Variants in SZT2 observed in about 807,000 individuals in gnomAD.
SZT2 encodes SZT2 subunit of KICSTOR complex.
In SZT2, 216 loss-of-function variants were observed where a neutral mutation model predicts 404.2. The observed-to-expected ratio is 0.53, with a 90% CI of 0.48 to 0.60. The LOEUF (loss-of-function observed/expected upper bound fraction) is 0.60. SZT2 is among the 20% of genes least tolerant of loss of function. The probability of loss-of-function intolerance (pLI) is 0.00; values close to 1 mark genes in which losing one functional copy is unlikely to be tolerated. For synonymous variants in SZT2, 1,693 were observed against 1,749.9 expected (o/e 0.97, Z 0.81); for missense variants, 3,857 against 4,459.2 (o/e 0.86, Z 3.85).
chr1:43,433,155 C>A lies in SZT2; in HGVS notation c.5769C>A (p.Val1923=). The change falls in exon 40 of 72, where the codon GTC becomes GTA. Residue 1923 remains valine, a synonymous_variant. Transcript: ENST00000634258. Reference sequence around the variant, plus strand: ...CTGACTTCTGGCTCATTGTCCGGGTCCTGCAGGACCGTGTGGAAGTGTATG... The same window carrying A: ...CTGACTTCTGGCTCATTGTCCGGGTACTGCAGGACCGTGTGGAAGTGTATG... ...CLPDFWLIVR[V]LQDRVEVYAH... 3 of 1,614,072 alleles carry A rather than the reference C, an allele frequency of 1.9e-6. No individual in the cohort carries two copies. The highest frequency in any genetic ancestry group is 2.2e-5 in the South Asian group (2 of 91,078).
In SZT2 at chr1:43,419,722, C is replaced by T; in HGVS notation, c.880-12C>T. The T allele has an allele frequency of 6.3e-7, 1 of 1,595,100 alleles. No homozygotes were observed. The highest frequency in any genetic ancestry group is 8.5e-7 in the Non-Finnish European group (1 of 1,177,928). ...TGTCAGAGCTAGGTCTTCAGTTGCT[C>T]ACTTTTTCCAGGTGGGAGGAGTTTA... On this transcript the variant is annotated splice_polypyrimidine_tract_variant and intron_variant, in intron 7 of 71. Coordinates refer to ENST00000634258, the MANE Select transcript of SZT2 (RefSeq NM_001365999.1).
rs1218706689 is a variant in SZT2, at chr1:43,453,392, C to T, written c.*2912C>T. 3.2e-6 allele frequency: 5 copies of T among 1,550,900 alleles called. No homozygotes were observed. The South Asian group carries it at 5.9e-5, about 18-fold the overall frequency. On this transcript the variant is annotated 3_prime_UTR_variant, in exon 72 of 72. Transcript: ENST00000634258. ...GTGGGGTGGAGCGGGGTACCTGGGA[C>T]AGCCCAGGGCTTTGGCATACCGCAC...
At chr1:43,428,848 T>G in intron 28 of SZT2, 1 of 246,376 alleles carries the variant, frequency 4.1e-6, no homozygotes, top group South Asian at 6.6e-5. Flanking sequence ...AAACTGTATT[T>G]TGCTCACTGC....
chr1:43,403,401 A>G, intron 2 of SZT2, 99 bp downstream of exon 2: 1 of 1,507,598 alleles, frequency 6.6e-7, no homozygotes, highest in East Asian at 2.3e-5. Context: ...CTAACTCTTA[A>G]GTCTGGTTAG....
Position 43,438,777 on chromosome 1 carries a change from T to C in SZT2, c.6587T>C (p.Met2196Thr), listed in dbSNP as rs758720895. Residue 2196 changes from methionine to threonine, a missense_variant, in exon 47 of 72, where the codon ATG becomes ACG. Transcript: ENST00000634258. ...DEATLDVITV[M>T]LVRNCKLTPA... is the part of the protein sequence containing the mutation. ...GCCACGCTGGACGTCATCACAGTTA[T>C]GCTTGTTCGGAACTGCAAGCTGACA... 2.5e-6 allele frequency: 4 copies of C among 1,613,986 alleles called. No individual in the cohort carries two copies. Among genetic ancestry groups the C allele is most frequent in the Non-Finnish European group, 2.5e-6 (3 of 1,179,996 alleles).
rs1347301548 is a variant in SZT2 at position 43,453,054 on chromosome 1, A to G, written c.*2574A>G. On this transcript the variant is annotated 3_prime_UTR_variant, in exon 72 of 72. Coordinates refer to ENST00000634258, the MANE Select transcript of SZT2 (RefSeq NM_001365999.1). ...ACCTGTAAGCAGCTTTCTCTGATCC[A>G]GACAGGGTTAGGTGCCTACCCTGCT... is the stretch of plus-strand genomic sequence containing the variant. 1 of 1,169,396 alleles carries G rather than the reference A, an allele frequency of 8.6e-7. No individual in the cohort carries two copies. The highest frequency in any genetic ancestry group is 1.3e-6 in the Non-Finnish European group (1 of 793,916). 72.4% of individuals were successfully genotyped at this position (1,169,396 alleles called of 1,614,324 possible).
At position 43,435,241 on chromosome 1, in the gene SZT2, C is replaced by T; in HGVS notation, c.5946C>T (p.Asn1982=). ...ACCTTCATGACAGCCACGTGTGTAA[C>T]TCTCTTCTGGTGGCCGAGAGTGAAG... The part of the protein sequence containing the change: ...LQDLHDSHVC[N]SLLVAESEED... Residue 1982 remains asparagine (N), a synonymous_variant, in exon 42 of 72, where the codon AAC becomes AAT. Transcript: ENST00000634258. The T allele has an allele frequency of 6.2e-7, 1 of 1,614,244 alleles. No homozygotes were observed. Among genetic ancestry groups the T allele is most frequent in the Non-Finnish European group, 8.5e-7 (1 of 1,180,046 alleles).
In SZT2 at chr1:43,453,976, G is replaced by A. The variant is rs1230287656; in HGVS notation, c.*3496G>A. On this transcript the variant is annotated 3_prime_UTR_variant, in exon 72 of 72. Coordinates refer to ENST00000634258, the MANE Select transcript of SZT2 (RefSeq NM_001365999.1). ...TTCACGAAAAGCGCCTACGGTTAGC[G>A]AGAGAGGGATCACGGGGAGAGGCGA... 1.7e-6 allele frequency: 2 copies of A among 1,190,540 alleles called. No individual in the cohort carries two copies. Among genetic ancestry groups the A allele is most frequent in the African/African-American group, 1.6e-5 (1 of 62,568 alleles). 73.7% of individuals were successfully genotyped at this position (1,190,540 alleles called of 1,614,324 possible). A position where few individuals can be genotyped will look rare whatever the true frequency, so the allele number is the denominator to read the frequency against.
rs766996399 is a variant in SZT2, at chr1:43,437,346, C to T, written c.6187+23C>T. ...GGGGTATGTGATTGGCATGAGAGGG[C>T]AGGTGAGCATTGGAAGGATCTGGAA... On this transcript the variant is annotated intron_variant, in intron 43 of 71. Coordinates refer to ENST00000634258, the MANE Select transcript of SZT2 (RefSeq NM_001365999.1). This position sits in a 1 kb window ranked among gnomAD's most constrained non-coding sequence, Gnocchi z 5.3. The T allele has an allele frequency of 6.2e-7, 1 of 1,614,098 alleles. No individual in the cohort carries two copies. Among genetic ancestry groups the T allele is most frequent in the Non-Finnish European group, 8.5e-7 (1 of 1,179,998 alleles).
At chr1:43,440,770 G>A (rs1379106334) in intron 52 of SZT2, among the ~76,000 whole-genome samples, 184 bp downstream of exon 52, 1 of 152,216 alleles carries the variant, frequency 6.6e-6, no homozygotes, top group African/African-American at 2.4e-5. Flanking sequence ...AGGATGAAAT[G>A]GGAGGATTTT....
rs1000176633 is a variant in SZT2 at position 43,427,442 on chromosome 1, A to G, written c.3595A>G (p.Ser1199Gly). Residue 1199 changes from serine (S) to glycine (G), a missense_variant, in exon 25 of 72, where the codon AGT becomes GGT. Physicochemically the swap from Ser to Gly is moderately conservative, Grantham distance 56. Coordinates refer to ENST00000634258, the MANE Select transcript of SZT2 (RefSeq NM_001365999.1). ...HVPVLSVTLA[S>G]DNAQNQGELS... ...CCCTGTCCTCAGTGTGACCCTGGCT[A>G]GTGGTAAGGCTGCCGACTCAAGGTG... 6.2e-7 allele frequency: 1 copy of G among 1,612,138 alleles called. No individual in the cohort carries two copies. The highest frequency in any genetic ancestry group is 8.5e-7 in the Non-Finnish European group (1 of 1,178,476).
In SZT2 at chr1:43,443,464, C is replaced by A; in HGVS notation, c.8612C>A (p.Pro2871His). Reference sequence around the variant, plus strand: ...CATGGGCCCCCAGAGACCTCTGGACCCCCTGACGGGCAGGTAAGGCTGACT... The same window carrying A: ...CATGGGCCCCCAGAGACCTCTGGACACCCTGACGGGCAGGTAAGGCTGACT... ...WLHGPPETSG[P>H]PDGQRRHRPE... Residue 2871 changes from proline to histidine, a missense_variant, in exon 61 of 72, where the codon CCC (proline) becomes CAC (histidine). Physicochemically the swap from Pro to His is moderately conservative, Grantham distance 77 (BLOSUM62 -2). Around this residue, in one of 7 missense-constraint regions of SZT2, gnomAD observed 717 missense variants for 868.2 expected, o/e 0.83. Transcript: ENST00000634258. The A allele has an allele frequency of 6.2e-7, 1 of 1,614,172 alleles. No homozygotes were observed.
intron 4 of SZT2, among the ~76,000 whole-genome samples, chr1:43,407,703 G>A (rs839770): frequency 0.35 from 53,287 of 151,448 alleles, 9,809 homozygotes; most frequent in Middle Eastern, 0.46. Flanking sequence ...CATGTCCACA[G>A]AGATTTGAAA....
chr1:43,397,790 A>G (rs1570544088), intron 1 of SZT2, among the ~76,000 whole-genome samples: 1 of 152,128 alleles, frequency 6.6e-6, no homozygotes. Flanking sequence ...CGGCCTCCCA[A>G]AGTGCTGGGA....
Position 43,453,234 on chromosome 1 carries a change from CA to C in SZT2, c.*2758del, listed in dbSNP as rs1656633303. Reference sequence around the variant, plus strand: ...AGAGTGGCATAAGACAGATAAAATACAAAAGGCAATTTACAAAGGACCAGGA... The same window carrying C: ...AGAGTGGCATAAGACAGATAAAATACAAAGGCAATTTACAAAGGACCAGGA... On this transcript the variant is annotated 3_prime_UTR_variant, in exon 72 of 72. Coordinates refer to ENST00000634258, the MANE Select transcript of SZT2 (RefSeq NM_001365999.1). 4.6e-6 allele frequency: 3 copies of C among 645,272 alleles called. No homozygotes were observed. In the South Asian group the frequency reaches 5.7e-5, roughly 12 times the overall value. The allele number at this position is 645,272 out of a possible 1,614,324, so 40.0% of individuals were successfully genotyped here.
rs745917157 is a variant in SZT2 at position 43,447,067 on chromosome 1, A to G, written c.9185A>G (p.His3062Arg). 3.1e-6 allele frequency: 5 copies of G among 1,613,970 alleles called. No homozygotes were observed. In the Admixed American group the frequency reaches 8.3e-5, roughly 27 times the overall value. Reference sequence around the variant, plus strand: ...GTGCATCAGCACGTGCTAGGTGCCCATCTGGTGCTGCGGCACGGCTACCAC... The same window carrying G: ...GTGCATCAGCACGTGCTAGGTGCCCGTCTGGTGCTGCGGCACGGCTACCAC... ...RLVHQHVLGA[H>R]LVLRHGYHLT... is the part of the protein sequence containing the mutation. The change falls in exon 66 of 72, where the codon CAT becomes CGT. Residue 3062 changes from histidine to arginine, a missense_variant. His to Arg is a conservative substitution (Grantham distance 29). This residue lies in a region of SZT2 where 717 missense variants were observed against 868.2 expected (regional missense o/e 0.83). Coordinates refer to ENST00000634258, the MANE Select transcript of SZT2 (RefSeq NM_001365999.1).
At position 43,425,963 on chromosome 1, in the gene SZT2, G is replaced by A; in HGVS notation, c.2929+14G>A. 1 of 1,611,008 alleles carries A rather than the reference G, an allele frequency of 6.2e-7. No homozygotes were observed. Among genetic ancestry groups the A allele is most frequent in the Non-Finnish European group, 8.5e-7 (1 of 1,177,092 alleles). On this transcript the variant is annotated intron_variant, in intron 20 of 71. Coordinates refer to ENST00000634258, the MANE Select transcript of SZT2 (RefSeq NM_001365999.1). The surrounding 1 kb of genome is among the most constrained non-coding windows in gnomAD (Gnocchi z 4.3). ...GGGTCTCTGATGGTGAGTGGGGCAG[G>A]CGGCCCACTGGTGGAGCAGGGGAGT...
At position 43,451,188 on chromosome 1, in the gene SZT2, A is replaced by G. The variant is rs1419178511; in HGVS notation, c.*708A>G. On this transcript the variant is annotated 3_prime_UTR_variant, in exon 72 of 72. Coordinates refer to ENST00000634258, the MANE Select transcript of SZT2 (RefSeq NM_001365999.1). ...CAGGTCATCTTTAATGCAGAGGAGG[A>G]GATGGGATGTCACTCGCTGTCTGGA... is the stretch of plus-strand genomic sequence containing the variant. 1 of 1,503,566 alleles carries G rather than the reference A, an allele frequency of 6.7e-7. No individual in the cohort carries two copies. 93.1% of individuals were successfully genotyped at this position (1,503,566 alleles called of 1,614,324 possible).
At chr1:43,431,954 G>A (rs1198940064) in intron 36 of SZT2, 53 bp downstream of exon 36, 30 of 1,595,494 alleles carry the variant, frequency 1.9e-5, no homozygotes, top group Non-Finnish European at 2.5e-5. Context: ...TCCTTCCCTG[G>A]GCCCCAGGCA....
Sources: allele counts gnomAD v4.1 joint callset (sites outside exome capture counted in the v4.1 genomes callset), GRCh38; gene constraint gnomAD v4.1.1; regional missense constraint gnomAD v4.1.1; non-coding constraint Gnocchi (gnomAD v3.1); transcripts MANE v1.5; gene names NCBI Gene and HGNC (gene_info 2026-07-23, HGNC 2026-07-21).